Variants in ANKRD36 observed in about 807,000 individuals in gnomAD.
The protein encoded by ANKRD36 is ankyrin repeat domain-containing protein 36A.
ANKRD36 carries 179 observed loss-of-function variants against 278.1 expected under a neutral mutation model. The ratio of observed to expected loss-of-function variants is 0.64; its 90% confidence interval spans 0.57 to 0.73. The LOEUF (loss-of-function observed/expected upper bound fraction) is 0.73. Among genes scored for constraint, ANKRD36 ranks in the 30% least tolerant of loss-of-function variants. The pLI, the probability that ANKRD36 is intolerant of heterozygous loss-of-function variation, is 0.00. For synonymous variants in ANKRD36, 320 were observed against 641.1 expected (o/e 0.50, Z 7.57); for missense variants, 1,159 against 1,956.7 (o/e 0.59, Z 7.69).
At chr2:97,207,770 T>A in intron 52 of ANKRD36, 41 bp from the exon 53 acceptor site, 1 of 1,544,160 alleles carries the variant, frequency 6.5e-7, no homozygotes, top group Non-Finnish European at 8.8e-7. Flanking sequence ...AATTTTGTCA[T>A]TTTTACACAT....
At chr2:97,129,222 A>C (rs759616762) in intron 6 of ANKRD36, among the ~76,000 whole-genome samples, 1 of 152,126 alleles carries the variant, frequency 6.6e-6, no homozygotes, top group Non-Finnish European at 1.5e-5. Flanking sequence ...TCTGATGGCC[A>C]GTGGTGATGA....
intron 6 of ANKRD36, among the ~76,000 whole-genome samples, chr2:97,133,859 C>G (rs1235399097): frequency 6.6e-6 from 1 of 151,850 alleles, no homozygotes; most frequent in Non-Finnish European, 1.5e-5. Context: ...TAGCTCCCCC[C>G]ATTTTCAATA....
intron 42 of ANKRD36, among the ~76,000 whole-genome samples, chr2:97,197,420 A>G (rs1468606482): frequency 1.3e-5 from 2 of 151,960 alleles, no homozygotes; most frequent in African/African-American, 4.8e-5. Flanking sequence ...GATTGGCATA[A>G]AAACACACTG....
chr2:97,178,828 T>TA (rs201601072), intron 22 of ANKRD36, among the ~76,000 whole-genome samples: 8 of 151,394 alleles, frequency 5.3e-5, no homozygotes, highest in South Asian at 2.1e-4. Flanking sequence ...TAAAGTATAA[T>TA]AAAAAAAAGC....
chr2:97,158,755 G>T (rs1309983810), intron 17 of ANKRD36, 100 bp downstream of exon 17: 52 of 1,210,560 alleles, frequency 4.3e-5, no homozygotes, highest in Non-Finnish European at 5.5e-5. Flanking sequence ...TTTTACAATG[G>T]TAAATTGTTT....
chr2:97,165,086 A>G (rs186847039), intron 20 of ANKRD36, among the ~76,000 whole-genome samples: 3,532 of 73,288 alleles, frequency 0.048, no homozygotes, highest in East Asian at 0.085. Flanking sequence ...CCTACAGGTA[A>G]CCAACAGCCT....
chr2:97,127,031 T>C, intron 5 of ANKRD36, 36 bp from the exon 6 acceptor site: 1 of 793,892 alleles, frequency 1.3e-6, no homozygotes, highest in South Asian at 1.8e-5. Context: ...TTGATAATAG[T>C]ATTAAAATAT....
At chr2:97,260,349 T>G (rs1178763356) in intron 75 of ANKRD36, among the ~76,000 whole-genome samples, 2 of 21,278 alleles carry the variant, frequency 9.4e-5, no homozygotes, top group East Asian at 9.3e-4. Context: ...TTTTAAAAGA[T>G]ATATATATAT....
intron 5 of ANKRD36, 27 bp from the exon 6 acceptor site, chr2:97,127,040 A>G (rs1470546210): frequency 2.2e-6 from 2 of 926,472 alleles, no homozygotes; most frequent in South Asian, 3.4e-5. Context: ...GTATTAAAAT[A>G]TTAATTTCAT....
chr2:97,210,763 G>T (rs1375200519), intron 56 of ANKRD36, among the ~76,000 whole-genome samples: 2 of 151,846 alleles, frequency 1.3e-5, no homozygotes, highest in East Asian at 2.0e-4. Flanking sequence ...AATGAATATT[G>T]CAGTGATTTC....
chr2:97,172,155 T>G (rs566042847), intron 22 of ANKRD36, among the ~76,000 whole-genome samples: 1 of 151,914 alleles, frequency 6.6e-6, no homozygotes, highest in Non-Finnish European at 1.5e-5. Context: ...CAAATGCACA[T>G]TAAAAACCTC....
At chr2:97,177,251 C>T (rs2054542501) in intron 22 of ANKRD36, among the ~76,000 whole-genome samples, 1 of 151,850 alleles carries the variant, frequency 6.6e-6, no homozygotes, top group Non-Finnish European at 1.5e-5. Context: ...GGCCATACTG[C>T]CCAAGGTAAT....
chr2:97,197,215 T>G lies in ANKRD36; in HGVS notation c.2653+427T>G, dbSNP rs191593656. On this transcript the variant is annotated intron_variant, in intron 42 of 75. Transcript: ENST00000420699. ...TGTAGGAGAACTAAGGAGACCCCTG[T>G]TGTAGCAATCATTTTGCCAAAGAAG... Among the ~76,000 whole-genome samples, 296 of 152,012 alleles carry G rather than the reference T, an allele frequency of 1.9e-3. 1 individual carries two copies. Among genetic ancestry groups the G allele is most frequent in the African/African-American group, 6.7e-3 (277 of 41,520 alleles).
intron 28 of ANKRD36, among the ~76,000 whole-genome samples, chr2:97,184,841 T>G (rs1161617997): frequency 6.6e-6 from 1 of 151,792 alleles, no homozygotes; most frequent in African/African-American, 2.4e-5. Context: ...AAGTGTACAT[T>G]CATCTGAAGT....
intron 46 of ANKRD36, among the ~76,000 whole-genome samples, chr2:97,200,938 T>G (rs1221922294): frequency 6.6e-6 from 1 of 151,888 alleles, no homozygotes; most frequent in South Asian, 2.1e-4. Flanking sequence ...GAAGGAGAAC[T>G]GAGAAGACCC....
intron 16 of ANKRD36, 53 bp from the exon 17 acceptor site, chr2:97,158,535 T>C (rs1210280913): frequency 2.0e-6 from 3 of 1,525,184 alleles, no homozygotes; most frequent in South Asian, 1.2e-5. Context: ...TTCTTATTTC[T>C]TGATTCTTAA....
At chr2:97,191,771 A>G (rs1356267574) in intron 36 of ANKRD36, among the ~76,000 whole-genome samples, 1 of 151,716 alleles carries the variant, frequency 6.6e-6, no homozygotes, top group East Asian at 2.0e-4. Context: ...TTTTGGCAGC[A>G]CAAGGAAATA....
chr2:97,220,624 T>C (rs1404313650), intron 66 of ANKRD36, among the ~76,000 whole-genome samples: 2 of 151,756 alleles, frequency 1.3e-5, no homozygotes, highest in Admixed American at 6.6e-5. Flanking sequence ...GAACCCATTT[T>C]TCTGTTGATG....
chr2:97,220,546 C>G (rs1226809826), intron 66 of ANKRD36, among the ~76,000 whole-genome samples: 1 of 151,342 alleles, frequency 6.6e-6, no homozygotes, highest in Non-Finnish European at 1.5e-5. Flanking sequence ...CCTGTTCCAT[C>G]CATGTCATTG....
Sources: allele counts gnomAD v4.1 joint callset (sites outside exome capture counted in the v4.1 genomes callset), GRCh38; gene constraint gnomAD v4.1.1; transcripts MANE v1.5; gene names NCBI Gene and HGNC (gene_info 2026-07-23, HGNC 2026-07-21).